DDX10: variants seen among roughly 807,000 people sequenced by gnomAD.
DDX10 encodes the protein probable ATP-dependent RNA helicase DDX10.
A neutral mutation model predicts 104.3 loss-of-function variants in DDX10; 74 were observed. The ratio of observed to expected loss-of-function variants is 0.71; its 90% confidence interval spans 0.59 to 0.86. The LOEUF (loss-of-function observed/expected upper bound fraction) is 0.86, where lower values mean the gene tolerates loss of function less well. DDX10 is among the 40% of genes least tolerant of loss of function. The probability of loss-of-function intolerance (pLI) is 0.00; values close to 1 mark genes in which losing one functional copy is unlikely to be tolerated. For synonymous variants in DDX10, 351 were observed against 353.4 expected, an observed-to-expected ratio of 0.99 and a Z score of 0.08; for missense variants, 952 against 1,040.0, an observed-to-expected ratio of 0.92 and a Z score of 1.16.
intron 13 of DDX10, among the ~76,000 whole-genome samples, chr11:108,728,736 T>G (rs2094308367): frequency 6.6e-6 from 1 of 152,090 alleles, no homozygotes; most frequent in African/African-American, 2.4e-5. Context: ...CAGGATGGTC[T>G]CAAACTCTTG....
At chr11:108,853,610 T>C (rs1202520147) in intron 16 of DDX10, among the ~76,000 whole-genome samples, 1 of 152,142 alleles carries the variant, frequency 6.6e-6, no homozygotes, top group Non-Finnish European at 1.5e-5. Context: ...TGGAAACCTC[T>C]TCTTTTATTC....
intron 16 of DDX10, among the ~76,000 whole-genome samples, chr11:108,883,436 C>T (rs1863253450): frequency 6.6e-6 from 1 of 152,070 alleles, no homozygotes; most frequent in South Asian, 2.1e-4. Context: ...GGATCCCATC[C>T]TCTCGTTTCT....
At chr11:108,760,679 T>C (rs2094349733) in intron 13 of DDX10, among the ~76,000 whole-genome samples, 1 of 151,718 alleles carries the variant, frequency 6.6e-6, no homozygotes, top group East Asian at 1.9e-4. Context: ...AACACTGTTT[T>C]TTTTTTTTTT....
chr11:108,812,307 C>T (rs1453837017), intron 13 of DDX10, among the ~76,000 whole-genome samples: 1 of 152,080 alleles, frequency 6.6e-6, no homozygotes, highest in East Asian at 1.9e-4. Context: ...TAATTTTTGC[C>T]ACACAGCACC....
intron 13 of DDX10, chr11:108,822,661 C>T (rs1425991716): frequency 1.3e-5 from 2 of 156,398 alleles, no homozygotes; most frequent in East Asian, 1.9e-4. Context: ...ATTTAATTCT[C>T]TTCCATCACT....
chr11:108,864,021 G>T (rs537885938), intron 16 of DDX10, among the ~76,000 whole-genome samples: 82 of 152,284 alleles, frequency 5.4e-4, no homozygotes, highest in African/African-American at 1.8e-3. Flanking sequence ...TTTCCTCCGA[G>T]CCTCAGTTTC....
chr11:108,782,597 G>A (rs1861721475), intron 13 of DDX10, among the ~76,000 whole-genome samples: 1 of 152,002 alleles, frequency 6.6e-6, no homozygotes, highest in Non-Finnish European at 1.5e-5. Context: ...CATATCCTGT[G>A]GAGAGAAGTA....
At chr11:108,760,530 T>G (rs2094349517) in intron 13 of DDX10, among the ~76,000 whole-genome samples, 1 of 152,070 alleles carries the variant, frequency 6.6e-6, no homozygotes, top group Admixed American at 6.6e-5. Flanking sequence ...TTATGTATGG[T>G]CATTTTATTT....
chr11:108,769,362 G>A (rs1186561053), intron 13 of DDX10, among the ~76,000 whole-genome samples: 2 of 151,412 alleles, frequency 1.3e-5, no homozygotes, highest in Non-Finnish European at 2.9e-5. Context: ...CTGATTTATG[G>A]TTTTAACCCA....
chr11:108,804,697 A>T (rs1390982384), intron 13 of DDX10, among the ~76,000 whole-genome samples: 1 of 152,178 alleles, frequency 6.6e-6, no homozygotes, highest in Non-Finnish European at 1.5e-5. Flanking sequence ...CTGGAGCAGA[A>T]TCCACTTTCA....
Position 108,811,337 on chromosome 11 carries a change from G to A in DDX10, c.1966-27109G>A, listed in dbSNP as rs940333020. Among the ~76,000 whole-genome samples the A allele has an allele frequency of 7.1e-4, 108 of 152,164 alleles. 1 individual carries two copies. Among genetic ancestry groups the A allele is most frequent in the African/African-American group, 2.6e-3 (107 of 41,522 alleles). ...GTCCAAGGTCAGCATATTGGAATGG[G>A]CAAAAAATGGCTTCATGAAATAGGT... On this transcript the variant is annotated intron_variant, in intron 13 of 17. Transcript: ENST00000322536.
rs529544053 is a variant in DDX10, at chr11:108,768,820, C to T, written c.1965+45358C>T. On this transcript the variant is annotated intron_variant, in intron 13 of 17. Coordinates refer to ENST00000322536, the MANE Select transcript of DDX10 (RefSeq NM_004398.4). ...TATTTCCTCGTCTTTTTTTTTGCCC[C>T]GTTTTAAAAATGGCATTTTGATTTT... Among the ~76,000 whole-genome samples the T allele has an allele frequency of 4.6e-5, 7 of 151,400 alleles. No homozygotes were observed. The East Asian group carries it at 1.2e-3, about 25-fold the overall frequency.
At chr11:108,704,490 G>T (rs2094273046) in intron 9 of DDX10, among the ~76,000 whole-genome samples, 1 of 152,152 alleles carries the variant, frequency 6.6e-6, no homozygotes. Context: ...ACTGATTCCT[G>T]TCCTCTTTGG....
At chr11:108,828,134 A>G (rs1638479268) in intron 13 of DDX10, among the ~76,000 whole-genome samples, 1 of 152,130 alleles carries the variant, frequency 6.6e-6, no homozygotes, top group Non-Finnish European at 1.5e-5. Flanking sequence ...TGGGGGTGGT[A>G]TTAAGTTTAT....
rs1380953128 is a variant in DDX10 at position 108,691,887 on chromosome 11, G to A, written c.987G>A (p.Leu329=). The change falls in exon 8 of 18, where the codon CTG becomes CTA. Residue 329 remains leucine, a synonymous_variant. Transcript: ENST00000322536. ...TGTTGATGCCCCAGGTCCAGTATCT[G>A]TACCGAGTGTTTTGCCGGCTACGTC... ...FFSSCKEVQY[L]YRVFCRLRPG... is the part of the protein sequence containing the mutation. The A allele has an allele frequency of 6.2e-7, 1 of 1,613,964 alleles. No individual in the cohort carries two copies. The highest frequency in any genetic ancestry group is 1.6e-4 in the Middle Eastern group (1 of 6,062).
chr11:108,929,781 T>C (rs1405246806), intron 17 of DDX10: 3 of 152,238 alleles, frequency 2.0e-5, no homozygotes, highest in Non-Finnish European at 4.4e-5. Flanking sequence ...TGTGTTTTTA[T>C]GCTCAATTTA....
intron 17 of DDX10, among the ~76,000 whole-genome samples, chr11:108,924,646 A>G (rs905247841): frequency 1.9e-4 from 29 of 152,232 alleles, no homozygotes; most frequent in African/African-American, 7.0e-4. Context: ...TATGTGAGGT[A>G]GATGAACTGC....
intron 17 of DDX10, among the ~76,000 whole-genome samples, chr11:108,926,992 A>G (rs944135780): frequency 6.6e-6 from 1 of 152,214 alleles, no homozygotes; most frequent in African/African-American, 2.4e-5. Context: ...TGTCTCTCAC[A>G]GTAGCTTTCC....
intron 14 of DDX10, among the ~76,000 whole-genome samples, chr11:108,840,919 C>T (rs1312685494): frequency 1.3e-5 from 2 of 152,148 alleles, no homozygotes; most frequent in African/African-American, 4.8e-5. Flanking sequence ...ACACTGGGTA[C>T]CATGGAAGCC....
Sources: allele counts gnomAD v4.1 joint callset (sites outside exome capture counted in the v4.1 genomes callset), GRCh38; gene constraint gnomAD v4.1.1; transcripts MANE v1.5; gene names NCBI Gene and HGNC (gene_info 2026-07-23, HGNC 2026-07-21).